The following TEX30 variants were observed in gnomAD, a reference collection of about 807,000 sequenced individuals.
TEX30 encodes testis expressed 30.
TEX30 carries 14 observed loss-of-function variants against 23.8 expected under a neutral mutation model. The ratio of observed to expected loss-of-function variants is 0.59; its 90% CI spans 0.39 to 0.92. The LOEUF is 0.92. Ranked by LOEUF, TEX30 falls within the 40% of genes least tolerant of loss-of-function variation. The pLI is 0.00. For missense variants in TEX30, 246 were observed against 270.6 expected (o/e 0.91, Z 0.64); for synonymous variants, 78 against 90.2 (o/e 0.87, Z 0.76).
chr13:102,769,589 T>A, intron 2 of TEX30, 48 bp from the exon 3 acceptor site: 1 of 1,165,430 alleles, frequency 8.6e-7, no homozygotes, highest in Non-Finnish European at 1.2e-6. Flanking sequence ...TCTTGCCTAT[T>A]AAGACAACTG....
Position 102,769,324 on chromosome 13 carries a change from T to C in TEX30, c.233A>G (p.Tyr78Cys), listed in dbSNP as rs1333125639. The change falls in exon 3 of 6, where the codon TAT becomes TGT. Residue 78 changes from tyrosine (Y) to cysteine (C), a missense_variant. By Grantham distance (194) the Tyr-to-Cys change is radical (BLOSUM62 -2). Transcript: ENST00000376032. The part of the protein sequence containing the change: ...GLNIVHRIKA[Y>C]KSVLNYLKTS... ...AAATTTTCTTACCAAAACTGATTTA[T>C]ACGCCTTAATTCTATGTACAATATT... 2 of 1,529,064 alleles carry C rather than the reference T, an allele frequency of 1.3e-6. No homozygotes were observed. The highest frequency in any genetic ancestry group is 2.8e-5 in the African/African-American group (2 of 70,196). 94.7% of individuals were successfully genotyped at this position (1,529,064 alleles called of 1,614,324 possible).
rs528364078 is a variant in TEX30 at position 102,768,464 on chromosome 13, G to A, written c.247-153C>T. 1.1e-4 allele frequency among the ~76,000 whole-genome samples: 16 copies of A among 152,284 alleles called. No individual in the cohort carries two copies. The East Asian group carries it at 3.1e-3, about 29-fold the overall frequency. ...GGATTTTTCTTAAAAGAAGTAAGCAGTCCTTCCTCTTCTGGTCATGCCTTC... is the reference window on the plus strand; with the variant it reads ...GGATTTTTCTTAAAAGAAGTAAGCAATCCTTCCTCTTCTGGTCATGCCTTC... On this transcript the variant is annotated intron_variant, in intron 3 of 5. Coordinates refer to ENST00000376032, the MANE Select transcript of TEX30 (RefSeq NM_138779.5).
At chr13:102,772,691 T>A (rs1877408226) in intron 1 of TEX30, among the ~76,000 whole-genome samples, 1 of 152,162 alleles carries the variant, frequency 6.6e-6, no homozygotes, top group Admixed American at 6.5e-5. Context: ...TTCTCCAGCC[T>A]CAGCCTCCCG....
At chr13:102,767,139 G>C (rs944794907) in intron 5 of TEX30, 134 bp downstream of exon 5, 1 of 849,956 alleles carries the variant, frequency 1.2e-6, no homozygotes, top group Non-Finnish European at 1.8e-6. Flanking sequence ...AAGCAACAGA[G>C]TAACCAGGAC....
chr13:102,766,601 ATACTAGAC>A, intron 5 of TEX30, 21 bp from the exon 6 acceptor site: 1 of 1,604,196 alleles, frequency 6.2e-7, no homozygotes, highest in Non-Finnish European at 8.5e-7. Context: ...AAAGAAGAGG[ATACTAGAC>A]TAATGTTCTG....
In TEX30 at chr13:102,767,429, C is replaced by T; in HGVS notation, c.348G>A (p.Glu116=). Residue 116 remains glutamate, a synonymous_variant, in exon 5 of 6, where the codon GAG becomes GAA. Transcript: ENST00000376032. The part of the protein sequence containing the change: ...RAAASVMCHI[E]PDDGDDFVRG... ...GAACAAAATCATCACCATCATCTGG[C>T]TCAATGTGACACATTACAGAAGCAG... 2.5e-6 allele frequency: 4 copies of T among 1,614,166 alleles called. No individual in the cohort carries two copies. The highest frequency in any genetic ancestry group is 3.4e-6 in the Non-Finnish European group (4 of 1,180,030).
chr13:102,771,117 T>G (rs1595296162), intron 1 of TEX30, among the ~76,000 whole-genome samples: 2 of 151,530 alleles, frequency 1.3e-5, no homozygotes, highest in East Asian at 3.9e-4. Flanking sequence ...TGCTTCTTAC[T>G]TATCCTTCCA....
In TEX30 at chr13:102,767,472, G is replaced by C; in HGVS notation, c.305C>G (p.Ser102Ter). Residue 102 changes from serine (S) to a stop codon, truncating the protein, a stop_gained, in exon 5 of 6, where the codon TCA becomes TGA. Transcript: ENST00000376032. LOFTEE classifies it high-confidence loss of function. ...AGAAGCAGCTGCTCTTGAGCCCATT[G>C]AACGACCTAAAATCAATTAAAATTA... ...KLAGVFLGGR[S>*]MGSRAAASVM... 1 of 1,613,954 alleles carries C rather than the reference G, an allele frequency of 6.2e-7. No homozygotes were observed. Among genetic ancestry groups the C allele is most frequent in the African/African-American group, 1.3e-5 (1 of 75,030 alleles).
In TEX30 at chr13:102,769,490, C is replaced by G; in HGVS notation, c.67G>C (p.Val23Leu). The G allele has an allele frequency of 1.9e-6, 3 of 1,608,682 alleles. No individual in the cohort carries two copies. Among genetic ancestry groups the G allele is most frequent in the Non-Finnish European group, 1.7e-6 (2 of 1,178,070 alleles). ...CCATATGTTAAGCTCTTGTTAGGTA[C>G]CAAACAAACAGCATCTAGTAATTTA... ...GNKLLDAVCL[V>L]PNKSLTYGII... is the part of the protein sequence containing the mutation. Residue 23 changes from valine to leucine, a missense_variant, in exon 3 of 6, where the codon GTA (valine) becomes CTA (leucine). Physicochemically the swap from Val to Leu is conservative, Grantham distance 32. Transcript: ENST00000376032.
intron 5 of TEX30, 56 bp from the exon 6 acceptor site, chr13:102,766,636 G>T: frequency 6.6e-7 from 1 of 1,518,890 alleles, no homozygotes; most frequent in Non-Finnish European, 8.9e-7. Flanking sequence ...TTTAATAAAA[G>T]GTCCTCTCTC....
intron 1 of TEX30, among the ~76,000 whole-genome samples, chr13:102,772,325 T>C (rs1877384483): frequency 6.6e-6 from 1 of 152,132 alleles, no homozygotes; most frequent in South Asian, 2.1e-4. Flanking sequence ...TTAAATGTTT[T>C]TGTAGAGACG....
At chr13:102,767,207 C>A in intron 5 of TEX30, 66 bp downstream of exon 5, 1 of 1,519,764 alleles carries the variant, frequency 6.6e-7, no homozygotes, top group Non-Finnish European at 9.0e-7. Flanking sequence ...CCAGAAGTAT[C>A]TTGCTCCCAA....
chr13:102,769,286 A>G lies in TEX30; in HGVS notation c.246+25T>C, dbSNP rs1010083070. 4 of 1,411,138 alleles carry G rather than the reference A, an allele frequency of 2.8e-6. No homozygotes were observed. The African/African-American group carries it at 6.0e-5, about 21-fold the overall frequency. 87.4% of individuals were successfully genotyped at this position (1,411,138 alleles called of 1,614,324 possible). On this transcript the variant is annotated intron_variant, in intron 3 of 5. Coordinates refer to ENST00000376032, the MANE Select transcript of TEX30 (RefSeq NM_138779.5). ...GGATTTCAAACAGAATTCTGTTATA[A>G]GTAAATATAAAGAAATTTTCTTACC...
In TEX30 at chr13:102,769,451, G is replaced by T. The variant is rs1877153580; in HGVS notation, c.106C>A (p.His36Asn). 6.2e-7 allele frequency: 1 copy of T among 1,611,826 alleles called. No individual in the cohort carries two copies. Among genetic ancestry groups the T allele is most frequent in the Admixed American group, 1.7e-5 (1 of 59,608 alleles). The change falls in exon 3 of 6, where the codon CAT (histidine) becomes AAT (asparagine). Residue 36 changes from histidine to asparagine, a missense_variant. His to Asn is a moderately conservative substitution (Grantham distance 68). Transcript: ENST00000376032. ...AGATTCATATCTCCTGATGCTCCATGTGTAAGAATTATTCCATATGTTAAG... is the reference window on the plus strand; with the variant it reads ...AGATTCATATCTCCTGATGCTCCATTTGTAAGAATTATTCCATATGTTAAG... ...KSLTYGIILT[H>N]GASGDMNLPH...
At chr13:102,772,201 G>A (rs1224722071) in intron 1 of TEX30, among the ~76,000 whole-genome samples, 4 of 151,906 alleles carry the variant, frequency 2.6e-5, no homozygotes, top group Non-Finnish European at 5.9e-5. Context: ...AAATTGAGTG[G>A]CGCAATCATA....
chr13:102,766,432 T>C lies in TEX30; in HGVS notation c.653A>G (p.Glu218Gly). 1 of 1,613,836 alleles carries C rather than the reference T, an allele frequency of 6.2e-7. No individual in the cohort carries two copies. Among genetic ancestry groups the C allele is most frequent in the East Asian group, 2.2e-5 (1 of 44,852 alleles). ...ACATTTCTTGTCCATTTCAGTAATT[T>C]CTTGGATCCAAAACAAAATCTGTGT... ...INTQILFWIQ[E>G]ITEMDKKCH The change falls in exon 6 of 6, where the codon GAA (glutamate) becomes GGA (glycine). Residue 218 changes from glutamate to glycine, a missense_variant. Physicochemically the swap from Glu to Gly is moderately conservative, Grantham distance 98. Transcript: ENST00000376032.
intron 1 of TEX30, among the ~76,000 whole-genome samples, chr13:102,771,679 C>T (rs183455573): frequency 1.5e-3 from 222 of 152,334 alleles, no homozygotes; most frequent in African/African-American, 5.1e-3. Context: ...TGCAGCCCCA[C>T]AATTATGCCT....
chr13:102,773,163 G>A (rs1566429640), intron 1 of TEX30, among the ~76,000 whole-genome samples: 1 of 152,254 alleles, frequency 6.6e-6, no homozygotes, highest in Non-Finnish European at 1.5e-5. Flanking sequence ...TACGTCCACA[G>A]CATTAAGCTG....
chr13:102,771,790 T>C (rs888220163), intron 1 of TEX30, among the ~76,000 whole-genome samples: 1 of 152,184 alleles, frequency 6.6e-6, no homozygotes, highest in Non-Finnish European at 1.5e-5. Flanking sequence ...ACAGGTGAAA[T>C]GGGGAAGGGG....
Sources: gnomAD v4.1 joint callset for allele counts (sites outside exome capture counted in the v4.1 genomes callset) on GRCh38, gnomAD v4.1.1 for gene constraint, MANE v1.5 for transcripts, NCBI Gene and HGNC (gene_info 2026-07-23, HGNC 2026-07-21) for gene names.